Variants in CLNK observed in about 807,000 individuals in gnomAD.
CLNK encodes the protein cytokine dependent hematopoietic cell linker.
A neutral mutation model predicts 68.6 loss-of-function variants in CLNK; 74 were observed. The observed-to-expected ratio is 1.08, with a 90% confidence interval of 0.89 to 1.31. The LOEUF (loss-of-function observed/expected upper bound fraction) is 1.31, where lower values mean the gene tolerates loss of function less well. Ranked by LOEUF, CLNK falls within the 50% of genes most tolerant of loss-of-function variation. The pLI, the probability that CLNK is intolerant of heterozygous loss-of-function variation, is 0.00. For synonymous variants in CLNK, 198 were observed against 172.2 expected (o/e 1.15, Z -1.17); for missense variants, 553 against 515.3 (o/e 1.07, Z -0.71).
At chr4:10,650,742 T>C (rs1310931932) in intron 2 of CLNK, among the ~76,000 whole-genome samples, 1 of 152,088 alleles carries the variant, frequency 6.6e-6, no homozygotes, top group Non-Finnish European at 1.5e-5. Flanking sequence ...TTGTTCTTCA[T>C]ACTGAAAAAT....
At chr4:10,573,951 A>G (rs545315884) in intron 4 of CLNK, among the ~76,000 whole-genome samples, 1 of 152,270 alleles carries the variant, frequency 6.6e-6, no homozygotes, top group East Asian at 1.9e-4. Flanking sequence ...TCCAGGCCAC[A>G]TCAATCTCAC....
chr4:10,656,277 G>A (rs1723982175), intron 2 of CLNK, among the ~76,000 whole-genome samples: 1 of 138,492 alleles, frequency 7.2e-6, no homozygotes, highest in Non-Finnish European at 1.5e-5. Flanking sequence ...AGAAAAGTGT[G>A]CAGAATAAAT....
At chr4:10,586,769 G>A (rs913917901) in intron 3 of CLNK, among the ~76,000 whole-genome samples, 3 of 152,120 alleles carry the variant, frequency 2.0e-5, no homozygotes, top group African/African-American at 7.2e-5. Context: ...TGAAGTGCTC[G>A]TCTCACTGTA....
intron 17 of CLNK, among the ~76,000 whole-genome samples, chr4:10,506,595 A>G (rs2109030109): frequency 6.6e-6 from 1 of 152,326 alleles, no homozygotes; most frequent in East Asian, 1.9e-4. Context: ...TTAAGGAGAT[A>G]AACCTTGAGG....
chr4:10,541,953 C>A, intron 10 of CLNK, 69 bp downstream of exon 10: 1 of 1,183,706 alleles, frequency 8.4e-7, no homozygotes, highest in South Asian at 1.4e-5. Context: ...TTGTGTTTCT[C>A]TTTTTCAGAT....
chr4:10,509,235 T>G (rs1717458526), intron 16 of CLNK, among the ~76,000 whole-genome samples: 1 of 152,250 alleles, frequency 6.6e-6, no homozygotes, highest in African/African-American at 2.4e-5. Context: ...CCTGATATAT[T>G]AAATACTGAG....
At chr4:10,642,600 A>AC (rs1182422648) in intron 2 of CLNK, among the ~76,000 whole-genome samples, 1 of 152,114 alleles carries the variant, frequency 6.6e-6, no homozygotes, top group Non-Finnish European at 1.5e-5. Context: ...TGCATCTTGG[A>AC]CCTGTATGCA....
At chr4:10,620,675 C>T (rs545759698) in intron 2 of CLNK, among the ~76,000 whole-genome samples, 8 of 152,264 alleles carry the variant, frequency 5.3e-5, no homozygotes, top group African/African-American at 1.9e-4. Flanking sequence ...CCTGCCTGCA[C>T]CTGTTCTATG....
chr4:10,505,060 A>C (rs1253821028), intron 17 of CLNK, among the ~76,000 whole-genome samples: 1 of 152,202 alleles, frequency 6.6e-6, no homozygotes, highest in East Asian at 1.9e-4. Flanking sequence ...AAGGAGGTCT[A>C]CTAAGAGTAG....
chr4:10,647,242 C>T (rs1723548127), intron 2 of CLNK, among the ~76,000 whole-genome samples: 2 of 152,186 alleles, frequency 1.3e-5, no homozygotes, highest in African/African-American at 4.8e-5. Context: ...TCAACCATTT[C>T]CCTCTGTGAC....
intron 7 of CLNK, among the ~76,000 whole-genome samples, chr4:10,559,505 C>T (rs551652812): frequency 2.0e-5 from 3 of 152,210 alleles, no homozygotes; most frequent in African/African-American, 7.2e-5. Flanking sequence ...CTTGTGCACG[C>T]TCATCTTTTA....
chr4:10,679,472 T>C (rs1387627382), intron 1 of CLNK, among the ~76,000 whole-genome samples: 6 of 152,176 alleles, frequency 3.9e-5, no homozygotes, highest in Non-Finnish European at 8.8e-5. Context: ...ACTTCATGTC[T>C]AAAACATCAA....
chr4:10,726,014 T>A, the CLNK span, among the ~76,000 whole-genome samples: 1 of 152,188 alleles, frequency 6.6e-6, no homozygotes, highest in Non-Finnish European at 1.5e-5. Flanking sequence ...GACCAGAGGC[T>A]GTGAGCAAGG....
At chr4:10,727,514 T>G in the CLNK span, among the ~76,000 whole-genome samples, 2 of 152,242 alleles carry the variant, frequency 1.3e-5, no homozygotes, top group Non-Finnish European at 2.9e-5. Flanking sequence ...GGGATACAGC[T>G]ATTTATGCAT....
At chr4:10,700,817 A>G in the CLNK span, among the ~76,000 whole-genome samples, 1 of 152,208 alleles carries the variant, frequency 6.6e-6, no homozygotes, top group Non-Finnish European at 1.5e-5. Flanking sequence ...ATGGCAAACT[A>G]ATACACAAGT....
chr4:10,661,596 G>A (rs1724193422), intron 2 of CLNK, among the ~76,000 whole-genome samples: 1 of 152,190 alleles, frequency 6.6e-6, no homozygotes, highest in South Asian at 2.1e-4. Context: ...AGAATGACTA[G>A]CACAGTGCCT....
At chr4:10,723,100 T>C in the CLNK span, among the ~76,000 whole-genome samples, 1 of 152,072 alleles carries the variant, frequency 6.6e-6, no homozygotes, top group Non-Finnish European at 1.5e-5. Flanking sequence ...GTATGCTGTA[T>C]GTAAATGAAG....
intron 8 of CLNK, among the ~76,000 whole-genome samples, chr4:10,557,611 T>C (rs754115007): frequency 9.2e-4 from 140 of 152,334 alleles, no homozygotes; most frequent in South Asian, 1.9e-3. Context: ...CTTCCCCCTA[T>C]ACCACAATCA....
At chr4:10,626,103 C>G (rs1254844981) in intron 2 of CLNK, among the ~76,000 whole-genome samples, 1 of 152,204 alleles carries the variant, frequency 6.6e-6, no homozygotes, top group African/African-American at 2.4e-5. Context: ...ACCCAGGTCT[C>G]CCTGGCTGGG....
Sources: allele counts gnomAD v4.1 joint callset (sites outside exome capture counted in the v4.1 genomes callset), GRCh38; gene constraint gnomAD v4.1.1; transcripts MANE v1.5; gene names NCBI Gene and HGNC (gene_info 2026-07-23, HGNC 2026-07-21).